The following GSK3B variants were observed in gnomAD, a reference collection of about 807,000 sequenced individuals.
GSK3B encodes the protein glycogen synthase kinase 3 beta, also known as glycogen synthase kinase-3 beta.
A neutral mutation model predicts 56.4 loss-of-function variants in GSK3B; 15 were observed. That is an observed-to-expected ratio of 0.27 (90% CI 0.18 to 0.41). The LOEUF (loss-of-function observed/expected upper bound fraction) is 0.41. Ranked by LOEUF, GSK3B falls within the 10% of genes least tolerant of loss-of-function variation. The pLI is 1.00. For synonymous variants in GSK3B, 181 were observed against 188.9 expected (o/e 0.96, Z 0.34); for missense variants, 300 against 513.4 (o/e 0.58, Z 4.02).
intron 1 of GSK3B, among the ~76,000 whole-genome samples, chr3:120,055,673 G>A (rs1329957766): frequency 6.6e-6 from 1 of 152,136 alleles, no homozygotes; most frequent in Admixed American, 6.5e-5. Flanking sequence ...AAAGACTACT[G>A]TTTTCAATGA....
intron 1 of GSK3B, among the ~76,000 whole-genome samples, chr3:120,077,826 C>T (rs2058380192): frequency 6.6e-6 from 1 of 151,462 alleles, no homozygotes; most frequent in Non-Finnish European, 1.5e-5. Context: ...ATGGTAAGTA[C>T]TCAAAAAATT....
At chr3:120,082,110 G>A (rs2058424652) in intron 1 of GSK3B, among the ~76,000 whole-genome samples, 1 of 152,050 alleles carries the variant, frequency 6.6e-6, no homozygotes, top group African/African-American at 2.4e-5. Context: ...AGGGTGGAAA[G>A]AATCACTACC....
rs1259893574 is a variant in GSK3B at position 119,821,799 on chromosome 3, A to C, written c.*4989T>G. The C allele has an allele frequency of 2.4e-5, 4 of 165,050 alleles. No individual in the cohort carries two copies. The Admixed American group carries it at 2.6e-4, about 11-fold the overall frequency. The allele number at this position is 165,050 out of a possible 1,614,324, so 10.2% of individuals were successfully genotyped here. On this transcript the variant is annotated 3_prime_UTR_variant, in exon 11 of 11. Transcript: ENST00000264235. ...TGGAATAAAATCATTGGAAAGAACA[A>C]GAAGTGGTATTGATATCTTGTTCTG...
At chr3:119,981,909 C>A (rs563284198) in intron 2 of GSK3B, among the ~76,000 whole-genome samples, 97 of 152,344 alleles carry the variant, frequency 6.4e-4, no homozygotes, top group East Asian at 4.4e-3. Context: ...TCCCTGACCC[C>A]CGTATAGCCT....
chr3:119,949,793 CA>C (rs927567102), intron 2 of GSK3B, among the ~76,000 whole-genome samples: 6,002 of 62,166 alleles, frequency 0.097, 60 homozygotes, highest in African/African-American at 0.15. Context: ...GACTCCGTCT[CA>C]AAAAAAAAAA....
intron 10 of GSK3B, among the ~76,000 whole-genome samples, chr3:119,827,697 C>G (rs2055536413): frequency 6.7e-6 from 1 of 150,190 alleles, no homozygotes; most frequent in African/African-American, 2.5e-5. Context: ...GAACTGAAGT[C>G]ATTATGTGAA....
chr3:119,959,662 G>A (rs1416882662), intron 2 of GSK3B, among the ~76,000 whole-genome samples: 1 of 151,744 alleles, frequency 6.6e-6, no homozygotes, highest in African/African-American at 2.4e-5. Context: ...TTACACGCGT[G>A]TACCACCATG....
At chr3:120,068,136 T>C (rs753181164) in intron 1 of GSK3B, among the ~76,000 whole-genome samples, 11 of 152,194 alleles carry the variant, frequency 7.2e-5, no homozygotes, top group African/African-American at 1.2e-4. Flanking sequence ...CTCATGCCTG[T>C]AATCTCAGCA....
intron 2 of GSK3B, 29 bp downstream of exon 2, chr3:120,002,017 C>T (rs773491465): frequency 6.9e-7 from 1 of 1,457,594 alleles, no homozygotes; most frequent in Admixed American, 2.1e-5. Flanking sequence ...ACGACAGCAA[C>T]AAAATATATG....
chr3:119,868,996 A>G (rs1421562351), intron 8 of GSK3B, among the ~76,000 whole-genome samples: 1 of 152,174 alleles, frequency 6.6e-6, no homozygotes, highest in Non-Finnish European at 1.5e-5. Context: ...TATGTAGCAC[A>G]TAATTCAATA....
In GSK3B at chr3:119,824,360, T is replaced by C. The variant is rs1236159850; in HGVS notation, c.*2428A>G. 3 of 220,348 alleles carry C rather than the reference T, an allele frequency of 1.4e-5. No homozygotes were observed. Among genetic ancestry groups the C allele is most frequent in the Non-Finnish European group, 2.7e-5 (3 of 110,234 alleles). 13.6% of individuals were successfully genotyped at this position (220,348 alleles called of 1,614,324 possible). ...ACACACACACACACACACGCACACATGCACACACAATGAAATGAGAGAAAA... is the reference window on the plus strand; with the variant it reads ...ACACACACACACACACACGCACACACGCACACACAATGAAATGAGAGAAAA... On this transcript the variant is annotated 3_prime_UTR_variant, in exon 11 of 11. Transcript: ENST00000264235.
At chr3:119,851,195 G>C (rs898287556) in intron 9 of GSK3B, among the ~76,000 whole-genome samples, 5 of 152,084 alleles carry the variant, frequency 3.3e-5, no homozygotes, top group Admixed American at 6.5e-5. Context: ...ATATAGATAT[G>C]AATCAACCAA....
intron 2 of GSK3B, among the ~76,000 whole-genome samples, chr3:119,972,725 G>A (rs141833316): frequency 2.7e-3 from 409 of 152,186 alleles, no homozygotes; most frequent in African/African-American, 8.7e-3. Flanking sequence ...GTGAGCCACC[G>A]CGCCCACCTA....
At chr3:120,067,719 A>G (rs1181778000) in intron 1 of GSK3B, among the ~76,000 whole-genome samples, 1 of 152,266 alleles carries the variant, frequency 6.6e-6, no homozygotes, top group Non-Finnish European at 1.5e-5. Flanking sequence ...AGCTTGTTAA[A>G]TAACCACAGG....
intron 1 of GSK3B, among the ~76,000 whole-genome samples, chr3:120,010,694 T>C (rs1363934820): frequency 6.6e-6 from 1 of 152,164 alleles, no homozygotes; most frequent in Non-Finnish European, 1.5e-5. Flanking sequence ...GGCACATGCC[T>C]GTAAGTGAGC....
At chr3:120,002,325 A>T (rs1456972787) in intron 1 of GSK3B, 86 bp from the exon 2 acceptor site, 2 of 608,500 alleles carry the variant, frequency 3.3e-6, no homozygotes, top group African/African-American at 1.9e-5. Flanking sequence ...GGTAAACTAT[A>T]TTCTTTATTT....
chr3:119,885,929 C>T (rs1486958941), intron 7 of GSK3B, among the ~76,000 whole-genome samples: 2 of 152,030 alleles, frequency 1.3e-5, no homozygotes, highest in Non-Finnish European at 2.9e-5. Context: ...AATATAAGAC[C>T]TCAAACTATA....
At chr3:120,032,190 C>T (rs1273012947) in intron 1 of GSK3B, among the ~76,000 whole-genome samples, 1 of 152,050 alleles carries the variant, frequency 6.6e-6, no homozygotes, top group African/African-American at 2.4e-5. Flanking sequence ...TTAAAATTAA[C>T]TTCAGCCTGT....
At chr3:119,871,905 A>T (rs544880295) in intron 8 of GSK3B, among the ~76,000 whole-genome samples, 41 of 152,278 alleles carry the variant, frequency 2.7e-4, no homozygotes, top group African/African-American at 8.9e-4. Context: ...ATTGTAATCT[A>T]CTTCCTTCTA....
Sources: allele counts gnomAD v4.1 joint callset (sites outside exome capture counted in the v4.1 genomes callset), GRCh38; gene constraint gnomAD v4.1.1; transcripts MANE v1.5; gene names NCBI Gene and HGNC (gene_info 2026-07-23, HGNC 2026-07-21).